Variants in SENP2 observed in about 807,000 individuals in gnomAD.
SENP2 encodes the protein SUMO specific peptidase 2.
A neutral mutation model predicts 86.3 loss-of-function variants in SENP2; 16 were observed. That is an observed-to-expected ratio of 0.19 (90% CI 0.13 to 0.28). The LOEUF (loss-of-function observed/expected upper bound fraction) is 0.28, where lower values mean the gene tolerates loss of function less well. Ranked by LOEUF, SENP2 falls within the 10% of genes least tolerant of loss-of-function variation. The probability of loss-of-function intolerance (pLI) is 1.00; values close to 1 mark genes in which losing one functional copy is unlikely to be tolerated. For synonymous variants in SENP2, 222 were observed against 238.7 expected (o/e 0.93, Z 0.64); for missense variants, 552 against 703.0 (o/e 0.79, Z 2.43).
intron 5 of SENP2, among the ~76,000 whole-genome samples, chr3:185,601,610 C>T (rs1722347594): frequency 6.7e-6 from 1 of 149,950 alleles, no homozygotes; most frequent in Non-Finnish European, 1.5e-5. Context: ...TCTAATTTTC[C>T]CATACATTCT....
intron 1 of SENP2, among the ~76,000 whole-genome samples, chr3:185,589,270 T>G (rs1721901178): frequency 6.6e-6 from 1 of 152,180 alleles, no homozygotes. Context: ...AAGATTTGTC[T>G]TTTTTAAGTT....
At chr3:185,608,970 A>G (rs1284804044) in intron 6 of SENP2, 1 of 255,980 alleles carries the variant, frequency 3.9e-6, no homozygotes, top group Non-Finnish European at 7.4e-6. Context: ...AGTTCTGTCA[A>G]AAACCTAGAT....
rs1467087595 is a variant in SENP2, at chr3:185,633,541, T to G, written c.*3697T>G. The stretch of plus-strand genomic sequence containing the variant: ...TTATCTATTTACCAATAAATTCATC[T>G]CTTTAATTCAGTGGCTTTCACTTGT... On this transcript the variant is annotated 3_prime_UTR_variant, in exon 17 of 17. Coordinates refer to ENST00000296257, the MANE Select transcript of SENP2 (RefSeq NM_021627.3). The G allele has an allele frequency of 1.3e-5, 2 of 152,210 alleles. No individual in the cohort carries two copies. The highest frequency in any genetic ancestry group is 2.9e-5 in the Non-Finnish European group (2 of 68,044). The allele number at this position is 152,210 out of a possible 1,614,324, so 9.4% of individuals were successfully genotyped here.
At chr3:185,613,518 C>CTTTAAAATT (rs1722762670) in intron 10 of SENP2, 110 bp downstream of exon 10, 2 of 645,260 alleles carry the variant, frequency 3.1e-6, no homozygotes, top group African/African-American at 3.8e-5. Context: ...ATTGTTAATT[C>CTTTAAAATT]TGTTGTTTTT....
intron 13 of SENP2, among the ~76,000 whole-genome samples, chr3:185,621,547 GC>G (rs1418744947): frequency 6.6e-6 from 1 of 151,620 alleles, no homozygotes; most frequent in Non-Finnish European, 1.5e-5. Flanking sequence ...GTGCCATCAT[GC>G]CCGACTAATT....
rs186157546 is a variant in SENP2 at position 185,611,537 on chromosome 3, A to G, written c.723-114A>G. 71 of 610,762 alleles carry G rather than the reference A, an allele frequency of 1.2e-4. 1 individual carries two copies. The Admixed American group carries it at 1.9e-3, about 16-fold the overall frequency. 37.8% of individuals were successfully genotyped at this position (610,762 alleles called of 1,614,324 possible). ...TGCTTCCTTTCTGTTGTAATTTGAT[A>G]TAATAGTGTAATCAATCACCCCTAT... On this transcript the variant is annotated intron_variant, in intron 7 of 16. Transcript: ENST00000296257.
chr3:185,596,007 C>A (rs1316109756), intron 2 of SENP2, among the ~76,000 whole-genome samples: 1 of 151,964 alleles, frequency 6.6e-6, no homozygotes, highest in Non-Finnish European at 1.5e-5. Context: ...ACGCTGTTGC[C>A]CAGACTGGAG....
At chr3:185,606,188 C>CTT in intron 5 of SENP2, 142 bp from the exon 6 acceptor site, 1 of 653,678 alleles carries the variant, frequency 1.5e-6, no homozygotes, top group African/African-American at 1.8e-5. Context: ...ATAGATCTAA[C>CTT]TTTTGCATAA....
intron 11 of SENP2, among the ~76,000 whole-genome samples, chr3:185,615,833 C>T (rs1711575704): frequency 1.3e-5 from 2 of 152,100 alleles, no homozygotes; most frequent in African/African-American, 4.8e-5. Flanking sequence ...GGTGTGACCC[C>T]TTAGATGTCC....
Position 185,598,441 on chromosome 3 carries a change from C to T in SENP2, c.187C>T (p.Leu63Phe), listed in dbSNP as rs1409689155. 3 of 1,614,078 alleles carry T rather than the reference C, an allele frequency of 1.9e-6. 1 individual carries two copies. The highest frequency in any genetic ancestry group is 3.3e-5 in the Admixed American group (2 of 60,016). Residue 63 changes from leucine to phenylalanine, a missense_variant, in exon 3 of 17, where the codon CTC becomes TTC. By Grantham distance (22) the Leu-to-Phe change is conservative. Around this residue, in one of 2 missense-constraint regions of SENP2, gnomAD observed 383 missense variants for 427.3 expected, o/e 0.90. Transcript: ENST00000296257. ...CTTTATTCACCAAGTGAAAAACAGT[C>T]TCTACAATGCTGCCAGCTTATTTGG... is the stretch of plus-strand genomic sequence containing the variant. Reference protein sequence around the residue: ...DCFIHQVKNSLYNAASLFGFP... With the variant: ...DCFIHQVKNSFYNAASLFGFP...
chr3:185,612,578 A>G (rs1722732321), intron 8 of SENP2, 29 bp from the exon 9 acceptor site: 1 of 1,533,572 alleles, frequency 6.5e-7, no homozygotes. Flanking sequence ...TGAAGGAAAC[A>G]TTTAATCTTT....
At chr3:185,609,685 A>G (rs1018660834) in intron 7 of SENP2, among the ~76,000 whole-genome samples, 1 of 149,748 alleles carries the variant, frequency 6.7e-6, no homozygotes, top group East Asian at 2.0e-4. Flanking sequence ...CTCTCTCTCT[A>G]CCTCCCTTCC....
intron 2 of SENP2, among the ~76,000 whole-genome samples, chr3:185,593,533 A>T (rs578236085): frequency 6.6e-6 from 1 of 152,318 alleles, no homozygotes; most frequent in African/African-American, 2.4e-5. Flanking sequence ...AGCATTATGT[A>T]ACATTTGAAT....
chr3:185,601,621 C>T (rs1722348040), intron 5 of SENP2, among the ~76,000 whole-genome samples: 1 of 147,914 alleles, frequency 6.8e-6, no homozygotes, highest in Non-Finnish European at 1.5e-5. Flanking sequence ...CATACATTCT[C>T]TCCTTTTGTT....
chr3:185,618,827 C>T lies in SENP2; in HGVS notation c.1243-472C>T, dbSNP rs995894450. ...CCGGGAGGCAGAGCTTGCAGTGAGCCGAGATCACGCCAGTGGACTCCAGCC... is the reference window on the plus strand; with the variant it reads ...CCGGGAGGCAGAGCTTGCAGTGAGCTGAGATCACGCCAGTGGACTCCAGCC... On this transcript the variant is annotated intron_variant, in intron 12 of 16. Coordinates refer to ENST00000296257, the MANE Select transcript of SENP2 (RefSeq NM_021627.3). Among the ~76,000 whole-genome samples, 5 of 152,152 alleles carry T rather than the reference C, an allele frequency of 3.3e-5. No individual in the cohort carries two copies. In the East Asian group the frequency reaches 5.8e-4, roughly 18 times the overall value.
chr3:185,623,428 C>T (rs1012032570), intron 14 of SENP2, among the ~76,000 whole-genome samples: 5 of 152,136 alleles, frequency 3.3e-5, no homozygotes, highest in Non-Finnish European at 7.3e-5. Flanking sequence ...CGTGAGCCAC[C>T]GCACCCGGCC....
chr3:185,606,937 A>G (rs1414332945), intron 6 of SENP2: 1 of 317,058 alleles, frequency 3.2e-6, no homozygotes, highest in South Asian at 2.9e-5. Flanking sequence ...TTTAATGAAT[A>G]TTTTTGGGAG....
At chr3:185,600,220 T>G (rs1402009606) in intron 4 of SENP2, among the ~76,000 whole-genome samples, 1 of 152,220 alleles carries the variant, frequency 6.6e-6, no homozygotes, top group Non-Finnish European at 1.5e-5. Flanking sequence ...ATATGAAGGA[T>G]GGTAGATTTG....
intron 14 of SENP2, 102 bp from the exon 15 acceptor site, chr3:185,623,896 G>T: frequency 1.6e-5 from 7 of 436,706 alleles, no homozygotes; most frequent in Admixed American, 4.1e-5. Flanking sequence ...ATATGGATTT[G>T]AGAATGGCAT....
Sources: gnomAD v4.1 joint callset for allele counts (sites outside exome capture counted in the v4.1 genomes callset) on GRCh38, gnomAD v4.1.1 for gene constraint, gnomAD v4.1.1 regional missense constraint, MANE v1.5 for transcripts, NCBI Gene and HGNC (gene_info 2026-07-23, HGNC 2026-07-21) for gene names.